FRMPD4: variants seen among roughly 807,000 people sequenced by gnomAD.
FRMPD4 encodes the protein FERM and PDZ domain containing 4, also known as FERM and PDZ domain-containing protein 4.
FRMPD4 carries 22 observed loss-of-function variants against 94.1 expected under a neutral mutation model. The observed-to-expected ratio is 0.23, with a 90% CI of 0.17 to 0.33. FRMPD4 has a LOEUF of 0.33. FRMPD4 is among the 10% of genes least tolerant of loss of function. The pLI is 1.00. For missense variants in FRMPD4, 1,111 were observed against 1,339.9 expected (o/e 0.83, Z 2.67); for synonymous variants, 631 against 548.6 (o/e 1.15, Z -2.10).
At chrX:12,121,427 A>G (rs1285035565) in intron 3 of FRMPD4, among the ~76,000 whole-genome samples, 1 of 112,381 alleles carries the variant, frequency 8.9e-6, no homozygotes, top group African/African-American at 3.2e-5. Flanking sequence ...AATTTCTAAC[A>G]TAGTAAATAT....
intron 1 of FRMPD4, among the ~76,000 whole-genome samples, chrX:12,226,621 T>A (rs1340198996): frequency 9.0e-6 from 1 of 111,362 alleles, no homozygotes; most frequent in African/African-American, 3.3e-5. Context: ...GGACAGTTTA[T>A]TATCCATAGC....
chrX:12,308,063 T>A lies in FRMPD4; in HGVS notation c.41+169051T>A, dbSNP rs763478068. 2.4e-3 allele frequency among the ~76,000 whole-genome samples: 269 copies of A among 111,942 alleles called. 3 individuals carry two copies. Among genetic ancestry groups the A allele is most frequent in the Middle Eastern group, 9.1e-3 (2 of 219 alleles). On this transcript the variant is annotated intron_variant, in intron 1 of 16. Coordinates refer to ENST00000675598, the MANE Select transcript of FRMPD4 (RefSeq NM_001368397.1). ...TTGATTTTCAGGGACATCACAACCT[T>A]GACAGAATTACCTCAGCTGTGAGGT...
chrX:12,258,403 T>C (rs1434160342), intron 1 of FRMPD4, among the ~76,000 whole-genome samples: 3 of 111,241 alleles, frequency 2.7e-5, no homozygotes, highest in African/African-American at 9.8e-5. Flanking sequence ...GCATGCTCAC[T>C]TTCTCTTACC....
intron 3 of FRMPD4, among the ~76,000 whole-genome samples, chrX:11,918,928 C>T (rs1416774556): frequency 2.7e-5 from 3 of 112,571 alleles, no homozygotes; most frequent in African/African-American, 9.7e-5. Context: ...TGCCGGACAC[C>T]TTGGAGGGTT....
At chrX:12,694,247 G>A (rs1316466803) in intron 8 of FRMPD4, 88 bp from the exon 9 acceptor site, 9 of 669,338 alleles carry the variant, frequency 1.3e-5, no homozygotes, top group Non-Finnish European at 2.1e-5. Flanking sequence ...TTTCCTTAGT[G>A]TCCAAAAAAA....
intron 2 of FRMPD4, among the ~76,000 whole-genome samples, chrX:12,547,472 T>C (rs1373089740): frequency 8.9e-6 from 1 of 111,949 alleles, no homozygotes; most frequent in East Asian, 2.8e-4. Context: ...AGATATTAAA[T>C]TTAAATTTCG....
intron 1 of FRMPD4, among the ~76,000 whole-genome samples, chrX:12,290,860 G>A (rs1364318620): frequency 2.3e-5 from 1 of 43,840 alleles, no homozygotes; most frequent in African/African-American, 1.3e-4. Context: ...AAACATGGAG[G>A]TAATCGGAAA....
chrX:12,620,549 C>T (rs2059278660), intron 4 of FRMPD4, among the ~76,000 whole-genome samples: 3 of 112,191 alleles, frequency 2.7e-5, no homozygotes, highest in Non-Finnish European at 5.6e-5. Flanking sequence ...GAACCTTGTC[C>T]CAGCATCAGC....
chrX:12,422,522 G>A (rs1196780168), intron 1 of FRMPD4, among the ~76,000 whole-genome samples: 4 of 111,798 alleles, frequency 3.6e-5, no homozygotes, highest in East Asian at 5.6e-4. Context: ...GCTGTTTGAA[G>A]AATTCAATGA....
intron 1 of FRMPD4, among the ~76,000 whole-genome samples, chrX:12,228,111 C>T (rs1253544617): frequency 8.9e-6 from 1 of 112,339 alleles, no homozygotes; most frequent in Non-Finnish European, 1.9e-5. Context: ...GATGTACTTC[C>T]AGATACTCTA....
intron 2 of FRMPD4, among the ~76,000 whole-genome samples, chrX:12,502,522 T>C (rs1013115245): frequency 7.4e-5 from 8 of 108,763 alleles, no homozygotes; most frequent in Non-Finnish European, 1.5e-4. Context: ...GAAAGAGAAA[T>C]GAAGAGAAAC....
chrX:12,399,028 A>G (rs945002002), intron 1 of FRMPD4, among the ~76,000 whole-genome samples: 1 of 111,036 alleles, frequency 9.0e-6, no homozygotes, highest in African/African-American at 3.3e-5. Context: ...TAGTAGTCTT[A>G]CTGGGAGCAA....
At chrX:12,236,180 CTATT>C (rs1439912916) in intron 1 of FRMPD4, among the ~76,000 whole-genome samples, 1 of 112,221 alleles carries the variant, frequency 8.9e-6, no homozygotes, top group African/African-American at 3.2e-5. Context: ...CATTTACAAA[CTATT>C]TAATCTTGAA....
intron 1 of FRMPD4, among the ~76,000 whole-genome samples, chrX:11,844,989 G>A (rs889103149): frequency 9.8e-5 from 11 of 111,692 alleles, no homozygotes; most frequent in Admixed American, 8.6e-4. Flanking sequence ...TGTTGTGCCC[G>A]TCCGATGAAA....
chrX:12,614,847 G>A lies in FRMPD4; in HGVS notation c.388G>A (p.Ala130Thr), dbSNP rs139449383. ...AATGATTAATGATGAACCGGTCAGC[G>A]CTGCACCCAGAGAGCGGGTCATCGA... ...IVMINDEPVS[A>T]APRERVIDLV... The change falls in exon 4 of 17, where the codon GCT becomes ACT. Residue 130 changes from alanine to threonine, a missense_variant. Physicochemically the swap from Ala to Thr is moderately conservative, Grantham distance 58. Transcript: ENST00000675598. The A allele has an allele frequency of 8.7e-4, 1,028 of 1,181,909 alleles. 1 individual carries two copies. Among genetic ancestry groups the A allele is most frequent in the Admixed American group, 1.9e-3 (87 of 45,599 alleles).
chrX:12,200,914 C>G, intron 1 of FRMPD4, among the ~76,000 whole-genome samples: 1 of 112,288 alleles, frequency 8.9e-6, no homozygotes, highest in East Asian at 2.8e-4. Flanking sequence ...ACAGCTTCTT[C>G]CACAGTGGGA....
intron 2 of FRMPD4, among the ~76,000 whole-genome samples, chrX:12,606,788 T>TC (rs2059135475): frequency 9.0e-6 from 1 of 111,668 alleles, no homozygotes; most frequent in Non-Finnish European, 1.9e-5. Flanking sequence ...CTCCCTCCCT[T>TC]CTTTTCTTCT....
chrX:12,470,376 G>A (rs1024024464), intron 1 of FRMPD4, among the ~76,000 whole-genome samples: 5 of 111,414 alleles, frequency 4.5e-5, no homozygotes, highest in East Asian at 2.8e-4. Context: ...CAGTTACAGC[G>A]ACTGATGAGC....
At chrX:12,030,415 T>A (rs761617506) in intron 3 of FRMPD4, among the ~76,000 whole-genome samples, 1 of 111,888 alleles carries the variant, frequency 8.9e-6, no homozygotes, top group African/African-American at 3.3e-5. Flanking sequence ...TAGCTTTTTT[T>A]TGTGGGGGGG....
Sources: allele counts gnomAD v4.1 joint callset (sites outside exome capture counted in the v4.1 genomes callset), GRCh38; gene constraint gnomAD v4.1.1; transcripts MANE v1.5; gene names NCBI Gene and HGNC (gene_info 2026-07-23, HGNC 2026-07-21).